The following CIMIP5 variants were observed in gnomAD, a reference collection of about 807,000 sequenced individuals.
CIMIP5 encodes the protein ciliary microtubule inner protein 5, also known as uncharacterized protein C2orf50.
chr2:11,154,349 T>G, the CIMIP5 span, among the ~76,000 whole-genome samples: 1 of 147,104 alleles, frequency 6.8e-6, no homozygotes, highest in Admixed American at 6.8e-5. Flanking sequence ...TCAGCACCTG[T>G]TTTTTTTTTT....
At chr2:11,148,408 C>T in the CIMIP5 span, among the ~76,000 whole-genome samples, 7 of 152,062 alleles carry the variant, frequency 4.6e-5, no homozygotes, top group East Asian at 3.9e-4. Context: ...TGAGCCACTG[C>T]GCCCAGCCAA....
At chr2:11,144,273 C>T in the CIMIP5 span, 1 of 506,860 alleles carries the variant, frequency 2.0e-6, no homozygotes, top group East Asian at 3.4e-5. Flanking sequence ...GTCACTCTTA[C>T]ACACTTTTTA....
chr2:11,133,435 G>T, the CIMIP5 span: 5 of 1,610,574 alleles, frequency 3.1e-6, no homozygotes, highest in Non-Finnish European at 4.2e-6. Flanking sequence ...GCTGCCCGGG[G>T]TGGCCCTATG....
the CIMIP5 span, among the ~76,000 whole-genome samples, chr2:11,149,187 T>C: frequency 6.6e-6 from 1 of 151,970 alleles, no homozygotes; most frequent in Admixed American, 6.6e-5. Flanking sequence ...TGCTGAAATC[T>C]AGAAGATACT....
chr2:11,150,873 TA>T, the CIMIP5 span, among the ~76,000 whole-genome samples: 39 of 143,050 alleles, frequency 2.7e-4, no homozygotes, highest in East Asian at 4.0e-4. Context: ...TGCCAAGAAT[TA>T]AAAAAAAAAA....
At chr2:11,133,719 G>T in the CIMIP5 span, 1 of 1,379,668 alleles carries the variant, frequency 7.2e-7, no homozygotes, top group Non-Finnish European at 9.5e-7. Context: ...GCATGCCCGG[G>T]GGAAGGTGGG....
chr2:11,133,521 T>A, the CIMIP5 span: 1 of 1,608,248 alleles, frequency 6.2e-7, no homozygotes, highest in Non-Finnish European at 8.5e-7. Context: ...GGGAGCTGCC[T>A]GCGATGGCGT....
the CIMIP5 span, among the ~76,000 whole-genome samples, chr2:11,136,160 T>C: frequency 6.6e-6 from 1 of 152,250 alleles, no homozygotes; most frequent in African/African-American, 2.4e-5. Flanking sequence ...CTATCTGCTT[T>C]TGTTGCCTGT....
the CIMIP5 span, chr2:11,145,430 A>G: frequency 6.6e-6 from 1 of 152,100 alleles, no homozygotes; most frequent in Non-Finnish European, 1.5e-5. Context: ...CACTTCCTCC[A>G]CCTTTTAAGG....
the CIMIP5 span, chr2:11,133,201 G>C: frequency 9.0e-7 from 1 of 1,117,316 alleles, no homozygotes; most frequent in South Asian, 1.9e-5. Context: ...GGGACAGTGA[G>C]GAGGACCCTG....
At chr2:11,146,781 CA>C in the CIMIP5 span, 2 of 152,278 alleles carry the variant, frequency 1.3e-5, no homozygotes, top group African/African-American at 2.4e-5. Flanking sequence ...CCAGGACAGC[CA>C]GGGGTCCTGG....
the CIMIP5 span, chr2:11,140,376 A>T: frequency 5.6e-5 from 2 of 35,724 alleles, no homozygotes; most frequent in Non-Finnish European, 1.1e-4. Context: ...CTCCGTCTTA[A>T]AAAAAAAAAA....
chr2:11,136,189 A>G, the CIMIP5 span, among the ~76,000 whole-genome samples: 1 of 152,170 alleles, frequency 6.6e-6, no homozygotes, highest in African/African-American at 2.4e-5. Context: ...TGGCATATCC[A>G]TGGAATAATT....
chr2:11,148,661 TAATAAC>T, the CIMIP5 span, among the ~76,000 whole-genome samples: 4 of 149,468 alleles, frequency 2.7e-5, no homozygotes, highest in East Asian at 2.0e-4. Flanking sequence ...ACATTAATAA[TAATAAC>T]AATAACAAAT....
At chr2:11,144,048 G>A in the CIMIP5 span, 1 of 1,603,908 alleles carries the variant, frequency 6.2e-7, no homozygotes, top group Middle Eastern at 1.7e-4. Context: ...TCATCCGCAT[G>A]GACTTCTTCT....
chr2:11,151,502 C>A, the CIMIP5 span, among the ~76,000 whole-genome samples: 3 of 152,234 alleles, frequency 2.0e-5, no homozygotes, highest in African/African-American at 7.2e-5. Context: ...CCTAGACAGA[C>A]CCCATTTATC....
the CIMIP5 span, among the ~76,000 whole-genome samples, chr2:11,148,729 ACT>A: frequency 9.6e-3 from 972 of 101,514 alleles, 60 homozygotes; most frequent in Middle Eastern, 0.035. Flanking sequence ...ACTAATGAAA[ACT>A]CTTTTTTTTT....
the CIMIP5 span, among the ~76,000 whole-genome samples, chr2:11,139,259 T>C: frequency 6.6e-6 from 1 of 152,192 alleles, no homozygotes; most frequent in Admixed American, 6.5e-5. Context: ...GTATTATTTA[T>C]AGCAAGGCAA....
the CIMIP5 span, among the ~76,000 whole-genome samples, chr2:11,148,118 AT>A: frequency 9.0e-3 from 1,285 of 142,646 alleles, 8 homozygotes; most frequent in African/African-American, 0.021. Context: ...CTTGCTTCAC[AT>A]TTTTTTTTTT....
Sources: gnomAD v4.1 joint callset for allele counts (sites outside exome capture counted in the v4.1 genomes callset) on GRCh38, gnomAD v4.1.1 for gene constraint, MANE v1.5 for transcripts, NCBI Gene and HGNC (gene_info 2026-07-23, HGNC 2026-07-21) for gene names.